The following NXPH1 variants were observed in gnomAD, a reference collection of about 807,000 sequenced individuals.
NXPH1 encodes the protein neurexophilin 1, also known as neurexophilin-1.
NXPH1 carries 5 observed loss-of-function variants against 23.7 expected under a neutral mutation model. That is an observed-to-expected ratio of 0.21 (90% CI 0.11 to 0.44). The LOEUF (loss-of-function observed/expected upper bound fraction) is 0.44. NXPH1 is among the 20% of genes least tolerant of loss of function. The pLI is 0.99. For synonymous variants in NXPH1, 144 were observed against 122.2 expected (o/e 1.18, Z -1.18); for missense variants, 324 against 321.6 (o/e 1.01, Z -0.06).
intron 2 of NXPH1, among the ~76,000 whole-genome samples, chr7:8,490,026 T>C (rs1817223422): frequency 2.0e-5 from 3 of 152,070 alleles, no homozygotes; most frequent in African/African-American, 7.2e-5. Flanking sequence ...AGCCAGAGGC[T>C]ATTGTATTCC....
intron 2 of NXPH1, among the ~76,000 whole-genome samples, chr7:8,506,514 T>C (rs564629685): frequency 6.6e-6 from 1 of 152,250 alleles, no homozygotes; most frequent in African/African-American, 2.4e-5. Context: ...GCTTACTTGC[T>C]GGTCTAGGAA....
intron 2 of NXPH1, among the ~76,000 whole-genome samples, chr7:8,664,198 C>T (rs1398694884): frequency 6.6e-6 from 1 of 152,106 alleles, no homozygotes; most frequent in Non-Finnish European, 1.5e-5. Flanking sequence ...TCTCCTCCCT[C>T]AAGTGCTTTC....
intron 2 of NXPH1, among the ~76,000 whole-genome samples, chr7:8,598,232 C>A (rs1217431671): frequency 6.6e-6 from 1 of 152,084 alleles, no homozygotes; most frequent in Non-Finnish European, 1.5e-5. Context: ...AAGCAGCTAT[C>A]CTCAAAGGGA....
chr7:8,464,748 G>A (rs547888472), intron 2 of NXPH1, among the ~76,000 whole-genome samples: 107 of 133,486 alleles, frequency 8.0e-4, no homozygotes, highest in African/African-American at 2.7e-3. Flanking sequence ...TGTGTAATGC[G>A]TGTAGTGTTT....
chr7:8,623,227 G>C (rs1354447667), intron 2 of NXPH1, among the ~76,000 whole-genome samples: 2 of 152,124 alleles, frequency 1.3e-5, no homozygotes, highest in African/African-American at 4.8e-5. Context: ...AGACAGGGAA[G>C]ACTCTGGGAG....
chr7:8,664,804 A>G (rs12532683), intron 2 of NXPH1, among the ~76,000 whole-genome samples: 9,697 of 151,910 alleles, frequency 0.064, 679 homozygotes, highest in East Asian at 0.25. Flanking sequence ...TTTTTCATAT[A>G]CTTCTTGGCC....
intron 2 of NXPH1, among the ~76,000 whole-genome samples, chr7:8,739,824 TA>T (rs1780330762): frequency 6.6e-6 from 1 of 152,240 alleles, no homozygotes; most frequent in South Asian, 2.1e-4. Flanking sequence ...TTTTGCTTTT[TA>T]AACATTTTTA....
chr7:8,709,677 T>A (rs1779756988), intron 2 of NXPH1, among the ~76,000 whole-genome samples: 1 of 152,242 alleles, frequency 6.6e-6, no homozygotes. Context: ...GAACATTCAC[T>A]TCAATTAAAA....
At chr7:8,441,966 C>T (rs1444898816) in intron 2 of NXPH1, among the ~76,000 whole-genome samples, 9 of 152,070 alleles carry the variant, frequency 5.9e-5, no homozygotes, top group Non-Finnish European at 1.0e-4. Context: ...TCTCTTGCTC[C>T]GGTGCCCTCT....
At chr7:8,728,439 A>T (rs1317522040) in intron 2 of NXPH1, among the ~76,000 whole-genome samples, 2 of 152,162 alleles carry the variant, frequency 1.3e-5, no homozygotes, top group Non-Finnish European at 2.9e-5. Context: ...GAGTGCTTCC[A>T]GTTTTTGCCC....
chr7:8,718,050 A>G (rs1779907077), intron 2 of NXPH1, among the ~76,000 whole-genome samples: 1 of 152,138 alleles, frequency 6.6e-6, no homozygotes, highest in Admixed American at 6.5e-5. Context: ...TATTTCTGGT[A>G]CAATACTTCT....
chr7:8,738,134 G>GTCCA (rs1416144535), intron 2 of NXPH1, among the ~76,000 whole-genome samples: 1 of 152,108 alleles, frequency 6.6e-6, no homozygotes, highest in East Asian at 1.9e-4. Context: ...GCCTACTTCT[G>GTCCA]TCCATTCGTC....
At chr7:8,726,656 G>A (rs1780059623) in intron 2 of NXPH1, among the ~76,000 whole-genome samples, 1 of 149,900 alleles carries the variant, frequency 6.7e-6, no homozygotes, top group Non-Finnish European at 1.5e-5. Flanking sequence ...CCCTACAAAG[G>A]ACATGAACTC....
intron 2 of NXPH1, among the ~76,000 whole-genome samples, chr7:8,604,473 G>C (rs1819434572): frequency 6.6e-6 from 1 of 151,984 alleles, no homozygotes; most frequent in Admixed American, 6.6e-5. Flanking sequence ...CTTACTGTAT[G>C]ATTTCCTTTC....
chr7:8,554,612 CAA>C (rs1818327158), intron 2 of NXPH1, among the ~76,000 whole-genome samples: 1 of 151,628 alleles, frequency 6.6e-6, no homozygotes, highest in African/African-American at 2.4e-5. Context: ...TCAGGAAAAG[CAA>C]AAGAGTATTT....
At chr7:8,609,246 C>G (rs548104805) in intron 2 of NXPH1, among the ~76,000 whole-genome samples, 2 of 152,212 alleles carry the variant, frequency 1.3e-5, no homozygotes, top group East Asian at 3.9e-4. Flanking sequence ...TACATGTAAG[C>G]AAATAAAAAA....
chr7:8,638,124 G>A (rs1011883242), intron 2 of NXPH1, among the ~76,000 whole-genome samples: 2 of 152,204 alleles, frequency 1.3e-5, no homozygotes, highest in African/African-American at 4.8e-5. Context: ...AACCTGGAGA[G>A]GAGAATGCTG....
intron 2 of NXPH1, among the ~76,000 whole-genome samples, chr7:8,748,952 G>A (rs1780518772): frequency 6.6e-6 from 1 of 152,144 alleles, no homozygotes; most frequent in South Asian, 2.1e-4. Context: ...ATAGGAGACT[G>A]CTTCTTGGCT....
intron 2 of NXPH1, among the ~76,000 whole-genome samples, chr7:8,470,883 A>G (rs1816862178): frequency 6.6e-6 from 1 of 151,834 alleles, no homozygotes; most frequent in Admixed American, 6.6e-5. Flanking sequence ...TTTTTTTTTA[A>G]GAAGAAGGAA....
Sources: allele counts gnomAD v4.1 joint callset (sites outside exome capture counted in the v4.1 genomes callset), GRCh38; gene constraint gnomAD v4.1.1; transcripts MANE v1.5; gene names NCBI Gene and HGNC (gene_info 2026-07-23, HGNC 2026-07-21).